NRXN1: variants seen among roughly 807,000 people sequenced by gnomAD.
The protein encoded by NRXN1 is neurexin-1.
NRXN1 carries 39 observed loss-of-function variants against 150.9 expected under a neutral mutation model. The ratio of observed to expected loss-of-function variants is 0.26; its 90% CI spans 0.20 to 0.34. The LOEUF is 0.34. Among genes scored for constraint, NRXN1 ranks in the 10% least tolerant of loss-of-function variants. The pLI, the probability that NRXN1 is intolerant of heterozygous loss-of-function variation, is 1.00. For synonymous variants in NRXN1, 924 were observed against 757.0 expected (o/e 1.22, Z -3.62); for missense variants, 1,815 against 1,949.9 (o/e 0.93, Z 1.30).
rs112542095 is a variant in NRXN1 at position 50,473,252 on chromosome 2, A to C, written c.3071-781T>G. On this transcript the variant is annotated intron_variant, in intron 15 of 22. Transcript: ENST00000401669. ...TCTGAAATCCGTTAACAAATTTTCA[A>C]CTTATTTTTCTAATTTTATTGCAGT... Among the ~76,000 whole-genome samples, 845 of 151,930 alleles carry C rather than the reference A, an allele frequency of 5.6e-3. 2 individuals carry two copies. Among genetic ancestry groups the C allele is most frequent in the Non-Finnish European group, 9.0e-3 (613 of 67,890 alleles).
At chr2:50,832,444 G>C (rs1671536187) in intron 5 of NRXN1, among the ~76,000 whole-genome samples, 1 of 152,142 alleles carries the variant, frequency 6.6e-6, no homozygotes, top group African/African-American at 2.4e-5. Flanking sequence ...CTGTGGGTCA[G>C]GAGTTCGAGA....
In NRXN1 at chr2:50,787,580, A is replaced by AC. The variant is rs572774336; in HGVS notation, c.832+134288_832+134289insG. 1.7e-3 allele frequency among the ~76,000 whole-genome samples: 260 copies of AC among 151,636 alleles called. 1 individual carries two copies. The highest frequency in any genetic ancestry group is 6.0e-3 in the African/African-American group (248 of 41,354). On this transcript the variant is annotated intron_variant, in intron 5 of 22. Coordinates refer to ENST00000401669, the MANE Select transcript of NRXN1 (RefSeq NM_001330078.2). ...CTAAAAAAAGACAAAAAACAAAACA[A>AC]AACAACAACAACAACAACAACAACA...
At chr2:50,783,096 T>C (rs1704581955) in intron 5 of NRXN1, among the ~76,000 whole-genome samples, 1 of 152,184 alleles carries the variant, frequency 6.6e-6, no homozygotes, top group African/African-American at 2.4e-5. Context: ...AAAAGTTATG[T>C]AATTTGGTCA....
chr2:50,695,376 G>T (rs1026219919), intron 5 of NRXN1, among the ~76,000 whole-genome samples: 1 of 152,166 alleles, frequency 6.6e-6, no homozygotes, highest in Admixed American at 6.6e-5. Flanking sequence ...ATCAAGTTCA[G>T]ATAAGGTGCA....
At chr2:50,185,614 A>G (rs2061016344) in intron 18 of NRXN1, 1 of 152,058 alleles carries the variant, frequency 6.6e-6, no homozygotes, top group African/African-American at 2.4e-5. Context: ...TAGCATCTGG[A>G]TGCAGAAGAT....
Position 49,918,721 on chromosome 2 carries a change from TA to T in NRXN1, c.*3222del, listed in dbSNP as rs1667719104. The T allele has an allele frequency of 6.6e-6, 1 of 152,150 alleles. No homozygotes were observed. Among genetic ancestry groups the T allele is most frequent in the African/African-American group, 2.4e-5 (1 of 41,454 alleles). The allele number at this position is 152,150 out of a possible 1,614,324, so 9.4% of individuals were successfully genotyped here. A position where few individuals can be genotyped will look rare whatever the true frequency, so the allele number is the denominator to read the frequency against. The stretch of plus-strand genomic sequence containing the variant: ...TATGAATATAGAGGTCTTTAATGAC[TA>T]GTTAAATCCAGAAAAAAGAGAGTCA... On this transcript the variant is annotated 3_prime_UTR_variant, in exon 23 of 23. Coordinates refer to ENST00000401669, the MANE Select transcript of NRXN1 (RefSeq NM_001330078.2).
intron 2 of NRXN1, among the ~76,000 whole-genome samples, chr2:50,965,065 T>A (rs1367414791): frequency 6.6e-6 from 1 of 151,434 alleles, no homozygotes; most frequent in East Asian, 1.9e-4. Flanking sequence ...TCAGTAGCAA[T>A]TAGGAGAAAG....
At chr2:50,829,995 G>T (rs968941445) in intron 5 of NRXN1, among the ~76,000 whole-genome samples, 46 of 42,386 alleles carry the variant, frequency 1.1e-3, no homozygotes, top group Non-Finnish European at 1.4e-3. Context: ...AATACTGCCT[G>T]CTGGAAAAAA....
intron 18 of NRXN1, among the ~76,000 whole-genome samples, chr2:50,189,352 A>G (rs1315590414): frequency 2.6e-5 from 4 of 151,124 alleles, no homozygotes; most frequent in Non-Finnish European, 5.9e-5. Flanking sequence ...AATATCACAC[A>G]CCTGAGCCTG....
At chr2:50,423,994 A>T (rs1360531546) in intron 17 of NRXN1, among the ~76,000 whole-genome samples, 1 of 152,012 alleles carries the variant, frequency 6.6e-6, no homozygotes, top group African/African-American at 2.4e-5. Context: ...AACAGCATAC[A>T]GATAGGCTGG....
At chr2:50,848,596 G>C (rs1199831527) in intron 5 of NRXN1, among the ~76,000 whole-genome samples, 1 of 151,938 alleles carries the variant, frequency 6.6e-6, no homozygotes, top group Non-Finnish European at 1.5e-5. Flanking sequence ...AACCCTGTGG[G>C]GTTTTCAGTT....
intron 12 of NRXN1, among the ~76,000 whole-genome samples, chr2:50,522,255 A>AT: frequency 6.6e-6 from 1 of 152,316 alleles, no homozygotes; most frequent in Admixed American, 6.5e-5. Context: ...TAATAAGAGA[A>AT]TATCAAGTTT....
At chr2:50,304,443 G>C (rs548429078) in intron 17 of NRXN1, among the ~76,000 whole-genome samples, 19 of 152,114 alleles carry the variant, frequency 1.2e-4, no homozygotes, top group Non-Finnish European at 2.4e-4. Flanking sequence ...TGGTAGCAAC[G>C]AACTATAGGT....
intron 5 of NRXN1, among the ~76,000 whole-genome samples, chr2:50,800,559 T>A (rs1045427667): frequency 3.3e-5 from 5 of 152,098 alleles, no homozygotes; most frequent in Non-Finnish European, 5.9e-5. Context: ...ATAATGAATT[T>A]TTTTTTTAAG....
chr2:50,891,915 A>G (rs1681122129), intron 5 of NRXN1, among the ~76,000 whole-genome samples: 1 of 152,220 alleles, frequency 6.6e-6, no homozygotes, highest in East Asian at 1.9e-4. Context: ...TGCCTACTAC[A>G]TATGCCATGC....
Position 50,347,566 on chromosome 2 carries a change from G to GC in NRXN1, c.3365-110597dup. ...CGGGCAGCGCGCGGAGCAGCGGCGCGCATCGCCTGCTCCCGAGGCAATCTC... is the reference window on the plus strand; with the variant it reads ...CGGGCAGCGCGCGGAGCAGCGGCGCGCCATCGCCTGCTCCCGAGGCAATCTC... On this transcript the variant is annotated intron_variant, in intron 17 of 22. Transcript: ENST00000401669. The surrounding 1 kb of genome is among the most constrained non-coding windows in gnomAD (Gnocchi z 4.9). 2.0e-6 allele frequency: 2 copies of GC among 1,018,316 alleles called. No individual in the cohort carries two copies. The highest frequency in any genetic ancestry group is 2.4e-6 in the Non-Finnish European group (2 of 849,746). 63.1% of individuals were successfully genotyped at this position (1,018,316 alleles called of 1,614,324 possible).
intron 17 of NRXN1, among the ~76,000 whole-genome samples, chr2:50,243,732 T>A (rs558150851): frequency 6.6e-6 from 1 of 151,864 alleles, no homozygotes; most frequent in East Asian, 1.9e-4. Flanking sequence ...TTTAAGGGGA[T>A]CAGAGGAGGG....
At chr2:51,001,231 GGTT>G (rs1475408922) in intron 2 of NRXN1, among the ~76,000 whole-genome samples, 6 of 132,340 alleles carry the variant, frequency 4.5e-5, no homozygotes, top group East Asian at 2.9e-4. Context: ...AGATTCATGG[GGTT>G]GGGGGGGGGG....
chr2:50,501,400 AGTGT>A (rs368765670), intron 13 of NRXN1, among the ~76,000 whole-genome samples: 34 of 148,284 alleles, frequency 2.3e-4, no homozygotes, highest in East Asian at 1.6e-3. Flanking sequence ...TGTGTGTGTG[AGTGT>A]GTGTGTGTGT....
Sources: allele counts gnomAD v4.1 joint callset (sites outside exome capture counted in the v4.1 genomes callset), GRCh38; gene constraint gnomAD v4.1.1; non-coding constraint Gnocchi (gnomAD v3.1); transcripts MANE v1.5; gene names NCBI Gene and HGNC (gene_info 2026-07-23, HGNC 2026-07-21).